The following SPNS2 variants were observed in gnomAD, a reference collection of about 807,000 sequenced individuals.
SPNS2 encodes the protein sphingosine-1-phosphate transporter SPNS2.
Under a neutral mutation model 57.6 loss-of-function variants are expected in SPNS2, and 37 were observed. The ratio of observed to expected loss-of-function variants is 0.64; its 90% CI spans 0.49 to 0.85. The LOEUF (loss-of-function observed/expected upper bound fraction) is 0.85. SPNS2 is among the 40% of genes least tolerant of loss of function. The pLI is 0.00. For synonymous variants in SPNS2, 440 were observed against 346.9 expected, an observed-to-expected ratio of 1.27 and a Z score of -2.98; for missense variants, 831 against 779.1, an observed-to-expected ratio of 1.07 and a Z score of -0.79.
chr17:4,530,766 C>T lies in SPNS2; in HGVS notation c.708C>T (p.Phe236=), dbSNP rs199620984. Residue 236 remains phenylalanine, a synonymous_variant, in exon 4 of 13, where the codon TTC becomes TTT. Coordinates refer to ENST00000329078, the MANE Select transcript of SPNS2 (RefSeq NM_001124758.3). The part of the protein sequence containing the change: ...TRTLMLSVFY[F]AIPLGSGLGY... ...CGCTCATGCTGTCCGTCTTCTACTT[C>T]GCCATCCCACTGGGCAGGTGAGAGC... The T allele has an allele frequency of 2.7e-5, 44 of 1,613,460 alleles. No individual in the cohort carries two copies. Among genetic ancestry groups the T allele is most frequent in the South Asian group, 5.5e-5 (5 of 91,064 alleles).
intron 1 of SPNS2, among the ~76,000 whole-genome samples, chr17:4,503,162 G>A (rs545148342): frequency 2.0e-5 from 3 of 152,346 alleles, no homozygotes; most frequent in African/African-American, 4.8e-5. Context: ...GGTCACACGG[G>A]GGGCGGAGCA....
At chr17:4,528,830 G>A (rs191954297) in intron 3 of SPNS2, among the ~76,000 whole-genome samples, 2 of 152,228 alleles carry the variant, frequency 1.3e-5, no homozygotes, top group South Asian at 2.1e-4. Context: ...CTGATATGCA[G>A]TGGTGTGATC....
In SPNS2 at chr17:4,536,728, CCTCT is replaced by C. The variant is rs544983317; in HGVS notation, c.1608-164_1608-161del. ...ACTTCTTTCTCCTTTCCTCTTTACT[CCTCT>C]CTCTCTCCTCTCCCCACCCCTGGGC... On this transcript the variant is annotated intron_variant, in intron 11 of 12. Transcript: ENST00000329078. The C allele has an allele frequency of 8.3e-5, 55 of 659,456 alleles. 1 individual carries two copies. Among genetic ancestry groups the C allele is most frequent in the Middle Eastern group, 7.9e-4 (2 of 2,532 alleles). The allele number at this position is 659,456 out of a possible 1,614,324, so 40.9% of individuals were successfully genotyped here.
At chr17:4,506,203 C>T (rs1033207943) in intron 1 of SPNS2, among the ~76,000 whole-genome samples, 3 of 152,160 alleles carry the variant, frequency 2.0e-5, no homozygotes, top group African/African-American at 2.4e-5. Flanking sequence ...AGCTTCCATC[C>T]GAGGCGGGGA....
chr17:4,531,947 C>A (rs1337837790), intron 5 of SPNS2, among the ~76,000 whole-genome samples: 11 of 152,178 alleles, frequency 7.2e-5, no homozygotes, highest in Non-Finnish European at 1.3e-4. Flanking sequence ...CAAATGCCAG[C>A]CCACTTGATC....
At position 4,533,369 on chromosome 17, in the gene SPNS2, G is replaced by A. The variant is rs371168404; in HGVS notation, c.1215G>A (p.Leu405=). 41 of 1,611,200 alleles carry A rather than the reference G, an allele frequency of 2.5e-5. No individual in the cohort carries two copies. The East Asian group carries it at 6.0e-4, about 24-fold the overall frequency. The change falls in exon 8 of 13, where the codon CTG becomes CTA. Residue 405 remains leucine (L), a synonymous_variant. Coordinates refer to ENST00000329078, the MANE Select transcript of SPNS2 (RefSeq NM_001124758.3). ...ADPLVCAVGM[L]GSAIFICLIF... is the part of the protein sequence containing the mutation. ...CACTGGTGTGTGCCGTGGGCATGCT[G>A]GGCTCTGCCATCTTCATCTGCCTGA...
chr17:4,499,407 C>A lies in SPNS2; in HGVS notation c.360C>A (p.Tyr120Ter). ...LGNVLNYLDR[Y>*]TVAGVLLDIQ... ...ACGTGCTCAACTACCTGGACAGGTA[C>A]ACCGTGGCAGGTGAGCGAGTGCCCC... Residue 120 changes from tyrosine (Y) to a stop codon, truncating the protein, a stop_gained, in exon 1 of 13, where the codon TAC (tyrosine) becomes TAA (stop). Coordinates refer to ENST00000329078, the MANE Select transcript of SPNS2 (RefSeq NM_001124758.3). LOFTEE classifies it high-confidence loss of function. This position sits in a 1 kb window ranked among gnomAD's most constrained non-coding sequence, Gnocchi z 5.2. The A allele has an allele frequency of 7.4e-7, 1 of 1,346,904 alleles. No individual in the cohort carries two copies. The highest frequency in any genetic ancestry group is 1.7e-5 in the South Asian group (1 of 57,342). 83.4% of individuals were successfully genotyped at this position (1,346,904 alleles called of 1,614,324 possible). A position where few individuals can be genotyped will look rare whatever the true frequency, so the allele number is the denominator to read the frequency against.
chr17:4,531,739 C>G (rs1424142193), intron 5 of SPNS2, among the ~76,000 whole-genome samples: 1 of 151,972 alleles, frequency 6.6e-6, no homozygotes, highest in African/African-American at 2.4e-5. Flanking sequence ...CTCCCCAACC[C>G]AGGGGCTCCC....
intron 1 of SPNS2, among the ~76,000 whole-genome samples, chr17:4,500,288 G>A (rs940207785): frequency 3.9e-5 from 6 of 152,164 alleles, no homozygotes; most frequent in African/African-American, 1.4e-4. Flanking sequence ...GTGTGTTTAG[G>A]TCTGTTTGCC....
At chr17:4,527,440 A>G (rs1192967000) in intron 3 of SPNS2, among the ~76,000 whole-genome samples, 1 of 152,272 alleles carries the variant, frequency 6.6e-6, no homozygotes, top group East Asian at 1.9e-4. Flanking sequence ...CTGGATTGAA[A>G]GAAAAGTTTG....
chr17:4,532,533 C>T lies in SPNS2; in HGVS notation c.793-9C>T. 6.2e-7 allele frequency: 1 copy of T among 1,614,172 alleles called. No individual in the cohort carries two copies. Among genetic ancestry groups the T allele is most frequent in the African/African-American group, 1.3e-5 (1 of 75,062 alleles). On this transcript the variant is annotated splice_polypyrimidine_tract_variant and intron_variant, in intron 5 of 12. Coordinates refer to ENST00000329078, the MANE Select transcript of SPNS2 (RefSeq NM_001124758.3). ...GGCCCTGGTGTCCTAACTTCCTGCTCTCTGGCAGGTGTCCCCTGTCCTGGG... is the reference window on the plus strand; with the variant it reads ...GGCCCTGGTGTCCTAACTTCCTGCTTTCTGGCAGGTGTCCCCTGTCCTGGG...
Position 4,499,721 on chromosome 17 carries a change from G to A in SPNS2, c.370+304G>A. ...CCATCCGTTGTCCTCCTCTCCAAGA[G>A]TCTCCTCTGCGTCTCTCTGTCTCCT... On this transcript the variant is annotated intron_variant, in intron 1 of 12. Coordinates refer to ENST00000329078, the MANE Select transcript of SPNS2 (RefSeq NM_001124758.3). The surrounding 1 kb of genome is among the most constrained non-coding windows in gnomAD (Gnocchi z 5.2). 3.7e-6 allele frequency: 1 copy of A among 268,734 alleles called. No individual in the cohort carries two copies. The highest frequency in any genetic ancestry group is 7.0e-6 in the Non-Finnish European group (1 of 142,424). 16.6% of individuals were successfully genotyped at this position (268,734 alleles called of 1,614,324 possible). A position where few individuals can be genotyped will look rare whatever the true frequency, so the allele number is the denominator to read the frequency against.
chr17:4,503,863 C>T (rs1436039790), intron 1 of SPNS2, among the ~76,000 whole-genome samples: 1 of 152,020 alleles, frequency 6.6e-6, no homozygotes, highest in East Asian at 1.9e-4. Context: ...CCAGAAGGAG[C>T]GATGAGCATA....
At chr17:4,533,194 TAGCCCTG>T (rs753103134) in intron 7 of SPNS2, 42 bp from the exon 8 acceptor site, 11 of 1,582,038 alleles carry the variant, frequency 7.0e-6, no homozygotes, top group Admixed American at 5.2e-5. Context: ...CCCTCAGCCT[TAGCCCTG>T]AGCCGCCTCA....
chr17:4,533,942 G>T lies in SPNS2; in HGVS notation c.1344+89G>T, dbSNP rs74378371. Reference sequence around the variant, plus strand: ...GCCTGGGGAGGGCGGGTGAAGGGGCGGGAGAGCTGGTAGGAAGGCAGGCCT... The same window carrying T: ...GCCTGGGGAGGGCGGGTGAAGGGGCTGGAGAGCTGGTAGGAAGGCAGGCCT... On this transcript the variant is annotated intron_variant, in intron 9 of 12. Transcript: ENST00000329078. The T allele has an allele frequency of 2.0e-3, 2,298 of 1,148,790 alleles. 48 individuals carry two copies. In the African/African-American group the frequency reaches 0.031, roughly 15 times the overall value. The allele number at this position is 1,148,790 out of a possible 1,614,324, so 71.2% of individuals were successfully genotyped here.
chr17:4,529,626 G>A (rs895124137), intron 3 of SPNS2, among the ~76,000 whole-genome samples: 3 of 151,946 alleles, frequency 2.0e-5, no homozygotes, highest in Admixed American at 6.6e-5. Flanking sequence ...GAGTGAGATC[G>A]CGCCACTGCA....
chr17:4,520,429 T>A (rs1905110460), intron 2 of SPNS2, among the ~76,000 whole-genome samples: 1 of 152,090 alleles, frequency 6.6e-6, no homozygotes, highest in Non-Finnish European at 1.5e-5. Context: ...GTCACGTCCC[T>A]CCAGTCCCTC....
chr17:4,500,892 C>T (rs1243710584), intron 1 of SPNS2, among the ~76,000 whole-genome samples: 1 of 151,860 alleles, frequency 6.6e-6, no homozygotes, highest in African/African-American at 2.4e-5. Context: ...GTTTCTGGGT[C>T]GAGCTATCCC....
At chr17:4,531,216 A>G (rs1905455008) in intron 5 of SPNS2, 97 bp downstream of exon 5, 18 of 1,148,590 alleles carry the variant, frequency 1.6e-5, no homozygotes, top group Non-Finnish European at 2.2e-5. Flanking sequence ...CTAGGCCTCC[A>G]GGATTCCTCC....
Sources: gnomAD v4.1 joint callset for allele counts (sites outside exome capture counted in the v4.1 genomes callset) on GRCh38, gnomAD v4.1.1 for gene constraint, Gnocchi (gnomAD v3.1) non-coding constraint, MANE v1.5 for transcripts, NCBI Gene and HGNC (gene_info 2026-07-23, HGNC 2026-07-21) for gene names.